Variants in RAB21 observed in about 807,000 individuals in gnomAD.
RAB21 encodes RAB21, member RAS oncogene family, also known as ras-related protein Rab-21.
RAB21 carries 13 observed loss-of-function variants against 33.1 expected under a neutral mutation model. That is an observed-to-expected ratio of 0.39 (90% CI 0.26 to 0.62). RAB21 has a LOEUF of 0.62. Among genes scored for constraint, RAB21 ranks in the 20% least tolerant of loss-of-function variants. The probability of loss-of-function intolerance (pLI) is 0.48; values close to 1 mark genes in which losing one functional copy is unlikely to be tolerated. For synonymous variants in RAB21, 91 were observed against 103.7 expected (o/e 0.88, Z 0.74); for missense variants, 234 against 279.1 (o/e 0.84, Z 1.15).
At chr12:71,782,210 G>C in intron 5 of RAB21, 125 bp downstream of exon 5, 1 of 915,396 alleles carries the variant, frequency 1.1e-6, no homozygotes. Flanking sequence ...TGGATTCAGT[G>C]AAGCATGTTT....
chr12:71,797,024 T>G lies in RAB21; in HGVS notation c.*11351T>G, dbSNP rs2137669043. The G allele has an allele frequency of 6.6e-6, 1 of 152,264 alleles. No individual in the cohort carries two copies. Among genetic ancestry groups the G allele is most frequent in the East Asian group, 1.9e-4 (1 of 5,188 alleles). 9.4% of individuals were successfully genotyped at this position (152,264 alleles called of 1,614,324 possible). On this transcript the variant is annotated 3_prime_UTR_variant, in exon 7 of 7. Transcript: ENST00000261263. The stretch of plus-strand genomic sequence containing the variant: ...AAATACATTGAGCAGATTCAGAATT[T>G]AATAGACACTTCGTGTTTCCATTTT...
In RAB21 at chr12:71,773,938, T is replaced by A. The variant is rs763362278; in HGVS notation, c.328-21T>A. The A allele has an allele frequency of 2.0e-6, 3 of 1,536,262 alleles. No individual in the cohort carries two copies. In the South Asian group the frequency reaches 3.6e-5, roughly 18 times the overall value. The stretch of plus-strand genomic sequence containing the variant: ...AATTCCAACAGGATTTGTTTTAATA[T>A]GTGCTCTTTTGTATATACAGGTAAA... On this transcript the variant is annotated intron_variant, in intron 3 of 6. Transcript: ENST00000261263.
In RAB21 at chr12:71,785,802, C is replaced by T. The variant is rs145799236; in HGVS notation, c.*129C>T. ...ATAGAATTAACAGTATTTTAAATTACGTTTATAACACTGCAGAGACCTTAA... is the reference window on the plus strand; with the variant it reads ...ATAGAATTAACAGTATTTTAAATTATGTTTATAACACTGCAGAGACCTTAA... On this transcript the variant is annotated 3_prime_UTR_variant, in exon 7 of 7. Transcript: ENST00000261263. 17 of 1,115,814 alleles carry T rather than the reference C, an allele frequency of 1.5e-5. No homozygotes were observed. In the East Asian group the frequency reaches 2.3e-4, roughly 15 times the overall value. 69.1% of individuals were successfully genotyped at this position (1,115,814 alleles called of 1,614,324 possible).
chr12:71,774,044 T>TA lies in RAB21; in HGVS notation c.391+31dup, dbSNP rs373191758. On this transcript the variant is annotated intron_variant, in intron 4 of 6. Coordinates refer to ENST00000261263, the MANE Select transcript of RAB21 (RefSeq NM_014999.4). ...GTTGGTAAGCATCATTACTTTTTTCTAAAAAAAAAGTCCTCTGTTTCCTTA... is the reference window on the plus strand; with the variant it reads ...GTTGGTAAGCATCATTACTTTTTTCTAAAAAAAAAAGTCCTCTGTTTCCTTA... The TA allele has an allele frequency of 1.0e-3, 1,544 of 1,488,956 alleles. 5 individuals are homozygous for TA. The African/African-American group carries it at 0.014, about 14-fold the overall frequency. 92.2% of individuals were successfully genotyped at this position (1,488,956 alleles called of 1,614,324 possible).
At chr12:71,769,917 TA>T (rs1883016434) in intron 2 of RAB21, 58 bp downstream of exon 2, 1 of 929,450 alleles carries the variant, frequency 1.1e-6, no homozygotes, top group Non-Finnish European at 1.5e-6. Flanking sequence ...TCTTTTTTTT[TA>T]AAGTTAATTG....
chr12:71,755,397 C>T, intron 1 of RAB21, 109 bp downstream of exon 1: 3 of 1,258,418 alleles, frequency 2.4e-6, no homozygotes, highest in South Asian at 1.7e-5. Flanking sequence ...AATCTCAGGC[C>T]TGTCATCTCC....
intron 1 of RAB21, among the ~76,000 whole-genome samples, chr12:71,762,865 G>C (rs1257114135): frequency 6.6e-6 from 1 of 152,186 alleles, no homozygotes; most frequent in Non-Finnish European, 1.5e-5. Flanking sequence ...ACAGGCGTGA[G>C]CCACCATGCC....
In RAB21 at chr12:71,788,399, A is replaced by G. The variant is rs1245422088; in HGVS notation, c.*2726A>G. On this transcript the variant is annotated 3_prime_UTR_variant, in exon 7 of 7. Transcript: ENST00000261263. Reference sequence around the variant, plus strand: ...GGGGGCCTGTAATTGAGGCTAATTCAATAGCAACAATAGACAACATGATAT... The same window carrying G: ...GGGGGCCTGTAATTGAGGCTAATTCGATAGCAACAATAGACAACATGATAT... 2.0e-5 allele frequency: 3 copies of G among 152,064 alleles called. No homozygotes were observed. Among genetic ancestry groups the G allele is most frequent in the African/African-American group, 7.2e-5 (3 of 41,382 alleles). 9.4% of individuals were successfully genotyped at this position (152,064 alleles called of 1,614,324 possible).
chr12:71,777,330 C>T (rs959117448), intron 4 of RAB21, among the ~76,000 whole-genome samples: 7 of 152,066 alleles, frequency 4.6e-5, no homozygotes, highest in Admixed American at 3.9e-4. Context: ...GCTTTTTTGA[C>T]TTTACATTAT....
In RAB21 at chr12:71,755,116, C is replaced by A. The variant is rs190327770; in HGVS notation, c.-14C>A. 2.4e-3 allele frequency: 2,844 copies of A among 1,169,656 alleles called. 62 individuals carry two copies. The African/African-American group carries it at 0.042, about 17-fold the overall frequency. 72.5% of individuals were successfully genotyped at this position (1,169,656 alleles called of 1,614,324 possible). ...GGCGCGACACTCGGGCTCGGGCGGCCGGGAAGCGACGGGATGGCTGCGGCC... is the reference window on the plus strand; with the variant it reads ...GGCGCGACACTCGGGCTCGGGCGGCAGGGAAGCGACGGGATGGCTGCGGCC... On this transcript the variant is annotated 5_prime_UTR_variant, in exon 1 of 7. Coordinates refer to ENST00000261263, the MANE Select transcript of RAB21 (RefSeq NM_014999.4).
At chr12:71,768,908 A>G (rs1243587836) in intron 1 of RAB21, among the ~76,000 whole-genome samples, 2 of 152,130 alleles carry the variant, frequency 1.3e-5, no homozygotes, top group Non-Finnish European at 2.9e-5. Flanking sequence ...AAATCAATAC[A>G]TAGTATTTCC....
In RAB21 at chr12:71,791,263, A is replaced by T. The variant is rs1482217902; in HGVS notation, c.*5590A>T. On this transcript the variant is annotated 3_prime_UTR_variant, in exon 7 of 7. Coordinates refer to ENST00000261263, the MANE Select transcript of RAB21 (RefSeq NM_014999.4). ...CACTTCAGCCTCCCAAAGTACTGAG[A>T]TTACAGATGTGAGCCACTAGGCCCA... 3 of 152,540 alleles carry T rather than the reference A, an allele frequency of 2.0e-5. No homozygotes were observed. Among genetic ancestry groups the T allele is most frequent in the Non-Finnish European group, 4.4e-5 (3 of 68,348 alleles). 9.4% of individuals were successfully genotyped at this position (152,540 alleles called of 1,614,324 possible).
chr12:71,767,565 C>CGG (rs1396493785), intron 1 of RAB21, among the ~76,000 whole-genome samples: 1 of 151,656 alleles, frequency 6.6e-6, no homozygotes, highest in African/African-American at 2.4e-5. Flanking sequence ...GCATGCAGAG[C>CGG]GGGGTGTAAG....
intron 3 of RAB21, among the ~76,000 whole-genome samples, chr12:71,773,487 A>AT (rs1344006931): frequency 6.6e-6 from 1 of 151,098 alleles, no homozygotes; most frequent in African/African-American, 2.4e-5. Flanking sequence ...TAGCACTCTA[A>AT]TTTTTTTTGG....
At chr12:71,768,154 C>A (rs1189753380) in intron 1 of RAB21, among the ~76,000 whole-genome samples, 1 of 151,958 alleles carries the variant, frequency 6.6e-6, no homozygotes, top group East Asian at 1.9e-4. Flanking sequence ...ATAGCTTGGG[C>A]CTTGAAGGCA....
intron 3 of RAB21, among the ~76,000 whole-genome samples, chr12:71,771,770 T>G (rs778749903): frequency 2.6e-5 from 4 of 152,004 alleles, no homozygotes; most frequent in Non-Finnish European, 5.9e-5. Flanking sequence ...GGTCGGGAGT[T>G]AGAGACCAGC....
intron 4 of RAB21, among the ~76,000 whole-genome samples, chr12:71,781,796 G>T (rs952276302): frequency 1.3e-5 from 2 of 152,128 alleles, no homozygotes; most frequent in Non-Finnish European, 2.9e-5. Flanking sequence ...TGTTTTCTTT[G>T]TCAGAGGCTG....
rs1883312989 is a variant in RAB21 at position 71,787,527 on chromosome 12, G to A, written c.*1854G>A. 6.6e-6 allele frequency: 1 copy of A among 152,168 alleles called. No individual in the cohort carries two copies. The highest frequency in any genetic ancestry group is 1.5e-5 in the Non-Finnish European group (1 of 68,040). The allele number at this position is 152,168 out of a possible 1,614,324, so 9.4% of individuals were successfully genotyped here. On this transcript the variant is annotated 3_prime_UTR_variant, in exon 7 of 7. Coordinates refer to ENST00000261263, the MANE Select transcript of RAB21 (RefSeq NM_014999.4). ...ATTAAGAGGCTATAAAGAGATTATAGTTACAAAAGAAATACTGCCATATTT... is the reference window on the plus strand; with the variant it reads ...ATTAAGAGGCTATAAAGAGATTATAATTACAAAAGAAATACTGCCATATTT...
chr12:71,777,836 A>G (rs1350800807), intron 4 of RAB21, among the ~76,000 whole-genome samples: 1 of 152,032 alleles, frequency 6.6e-6, no homozygotes, highest in African/African-American at 2.4e-5. Context: ...ATAGAATCCA[A>G]ATGTTGTTGA....
Sources: allele counts gnomAD v4.1 joint callset (sites outside exome capture counted in the v4.1 genomes callset), GRCh38; gene constraint gnomAD v4.1.1; transcripts MANE v1.5; gene names NCBI Gene and HGNC (gene_info 2026-07-23, HGNC 2026-07-21).